Variants in SLC44A5 observed in about 807,000 individuals in gnomAD.
SLC44A5 encodes solute carrier family 44 member 5.
A neutral mutation model predicts 101.8 loss-of-function variants in SLC44A5; 57 were observed. The ratio of observed to expected loss-of-function variants is 0.56; its 90% CI spans 0.45 to 0.70. The LOEUF is 0.70. Ranked by LOEUF, SLC44A5 falls within the 30% of genes least tolerant of loss-of-function variation. The probability of loss-of-function intolerance (pLI) is 0.00; values close to 1 mark genes in which losing one functional copy is unlikely to be tolerated. For synonymous variants in SLC44A5, 281 were observed against 290.9 expected, an observed-to-expected ratio of 0.97 and a Z score of 0.35; for missense variants, 737 against 853.1, an observed-to-expected ratio of 0.86 and a Z score of 1.70.
At chr1:75,534,032 C>A (rs1428291390) in intron 2 of SLC44A5, among the ~76,000 whole-genome samples, 1 of 152,152 alleles carries the variant, frequency 6.6e-6, no homozygotes, top group Non-Finnish European at 1.5e-5. Flanking sequence ...GGCTCTTTTG[C>A]CCTGAGTCCT....
At chr1:75,393,475 G>A (rs1296176687) in intron 3 of SLC44A5, among the ~76,000 whole-genome samples, 1 of 152,090 alleles carries the variant, frequency 6.6e-6, no homozygotes, top group Non-Finnish European at 1.5e-5. Flanking sequence ...GTTTATGTTA[G>A]GTTATAAATA....
At chr1:75,363,575 A>G (rs1003221530) in intron 3 of SLC44A5, among the ~76,000 whole-genome samples, 7 of 152,052 alleles carry the variant, frequency 4.6e-5, no homozygotes, top group Non-Finnish European at 1.0e-4. Flanking sequence ...TCACCTCCTT[A>G]TATTTTATGA....
intron 4 of SLC44A5, among the ~76,000 whole-genome samples, chr1:75,301,550 G>A (rs1654450207): frequency 6.6e-6 from 1 of 152,176 alleles, no homozygotes; most frequent in South Asian, 2.1e-4. Flanking sequence ...AATTTTCATA[G>A]TAAAAGTTAT....
At chr1:75,466,486 C>A (rs1666823601) in intron 2 of SLC44A5, among the ~76,000 whole-genome samples, 1 of 151,856 alleles carries the variant, frequency 6.6e-6, no homozygotes, top group Admixed American at 6.6e-5. Flanking sequence ...GAAACCCTGT[C>A]TCTACTAAAA....
At chr1:75,297,018 TG>T (rs1654017688) in intron 5 of SLC44A5, among the ~76,000 whole-genome samples, 1 of 152,178 alleles carries the variant, frequency 6.6e-6, no homozygotes, top group Non-Finnish European at 1.5e-5. Context: ...CTGAGCCTGT[TG>T]GCCAGGACTC....
intron 3 of SLC44A5, among the ~76,000 whole-genome samples, chr1:75,348,131 TTCTCTCTC>T (rs144447936): frequency 6.7e-6 from 1 of 150,052 alleles, no homozygotes; most frequent in African/African-American, 2.4e-5. Context: ...GTAGGCTCCC[TTCTCTCTC>T]TCTCTCTCTC....
chr1:75,693,919 C>T, the SLC44A5 span, among the ~76,000 whole-genome samples: 1 of 151,534 alleles, frequency 6.6e-6, no homozygotes, highest in Non-Finnish European at 1.5e-5. Flanking sequence ...GGAGCAAAAG[C>T]CTGAATGGGG....
At chr1:75,686,308 G>A in the SLC44A5 span, among the ~76,000 whole-genome samples, 1 of 152,188 alleles carries the variant, frequency 6.6e-6, no homozygotes, top group Non-Finnish European at 1.5e-5. Context: ...AAGCTGTGAA[G>A]ATGGAATATT....
chr1:75,473,728 C>G (rs1195761328), intron 2 of SLC44A5, among the ~76,000 whole-genome samples: 1 of 152,250 alleles, frequency 6.6e-6, no homozygotes, highest in Non-Finnish European at 1.5e-5. Context: ...TTTCTTGACT[C>G]TAGCCTTATT....
At chr1:75,391,903 C>T (rs565919062) in intron 3 of SLC44A5, among the ~76,000 whole-genome samples, 157 of 152,244 alleles carry the variant, frequency 1.0e-3, no homozygotes, top group African/African-American at 3.6e-3. Flanking sequence ...CCTGTAATCC[C>T]AGCACTTTGG....
At chr1:75,327,823 G>A (rs1279326076) in intron 4 of SLC44A5, among the ~76,000 whole-genome samples, 1 of 152,186 alleles carries the variant, frequency 6.6e-6, no homozygotes, top group Non-Finnish European at 1.5e-5. Flanking sequence ...ATTACATTAA[G>A]AAAGGCATGT....
the SLC44A5 span, among the ~76,000 whole-genome samples, chr1:75,621,219 A>C: frequency 6.6e-6 from 1 of 152,180 alleles, no homozygotes; most frequent in Non-Finnish European, 1.5e-5. Context: ...AACTGGCCTC[A>C]TCTCTATTTC....
At chr1:75,250,449 G>C (rs1346575074) in intron 7 of SLC44A5, among the ~76,000 whole-genome samples, 1 of 152,096 alleles carries the variant, frequency 6.6e-6, no homozygotes, top group East Asian at 1.9e-4. Context: ...TGTGAATAGT[G>C]CTGCAGTGAA....
intron 3 of SLC44A5, among the ~76,000 whole-genome samples, chr1:75,362,245 C>T (rs962541340): frequency 4.9e-4 from 74 of 150,848 alleles, no homozygotes; most frequent in African/African-American, 1.4e-3. Context: ...AAAAAATGTT[C>T]GTTTCATTGA....
At chr1:75,454,007 C>T (rs1338029331) in intron 2 of SLC44A5, among the ~76,000 whole-genome samples, 1 of 152,022 alleles carries the variant, frequency 6.6e-6, no homozygotes, top group Admixed American at 6.6e-5. Context: ...TGAAACTATC[C>T]CATAAAATTG....
chr1:75,502,333 G>A (rs1486325746), intron 2 of SLC44A5, among the ~76,000 whole-genome samples: 1 of 152,170 alleles, frequency 6.6e-6, no homozygotes, highest in East Asian at 1.9e-4. Context: ...AGCTGAATAA[G>A]ACTAAACACT....
At chr1:75,646,158 A>T in the SLC44A5 span, among the ~76,000 whole-genome samples, 1 of 135,062 alleles carries the variant, frequency 7.4e-6, no homozygotes, top group African/African-American at 2.5e-5. Context: ...GTTTTTTCCA[A>T]TTCTGTGAAG....
chr1:75,401,475 G>A (rs549474046), intron 2 of SLC44A5, among the ~76,000 whole-genome samples: 91 of 152,174 alleles, frequency 6.0e-4, no homozygotes, highest in Non-Finnish European at 1.2e-3. Flanking sequence ...GGAATTTAAA[G>A]GATGAGTAAG....
At chr1:75,557,926 T>G (rs992073000) in intron 1 of SLC44A5, among the ~76,000 whole-genome samples, 8 of 152,124 alleles carry the variant, frequency 5.3e-5, no homozygotes, top group African/African-American at 1.9e-4. Context: ...TCTAAATTAT[T>G]AAAGATTGAT....
Sources: gnomAD v4.1 joint callset for allele counts (sites outside exome capture counted in the v4.1 genomes callset) on GRCh38, gnomAD v4.1.1 for gene constraint, MANE v1.5 for transcripts, NCBI Gene and HGNC (gene_info 2026-07-23, HGNC 2026-07-21) for gene names.